The following METTL15 variants were observed in gnomAD, a reference collection of about 807,000 sequenced individuals.
METTL15 encodes methyltransferase 15, mitochondrial 12S rRNA N4-cytidine.
In METTL15, 34 loss-of-function variants were observed where a neutral mutation model predicts 38.3. The ratio of observed to expected loss-of-function variants is 0.89; its 90% confidence interval spans 0.68 to 1.18. The LOEUF (loss-of-function observed/expected upper bound fraction) is 1.18. Among genes scored for constraint, METTL15 ranks in the 50% most tolerant of loss-of-function variants. METTL15 has a pLI of 0.00. For synonymous variants in METTL15, 162 were observed against 170.9 expected (o/e 0.95, Z 0.41); for missense variants, 438 against 498.4 (o/e 0.88, Z 1.15).
intron 4 of METTL15, chr11:28,287,140 T>TAG (rs143169028): frequency 1.9e-5 from 3 of 154,248 alleles, no homozygotes; most frequent in Non-Finnish European, 3.9e-5. Flanking sequence ...TGTATATATA[T>TAG]AGAGAGAGAG....
chr11:28,404,490 C>A (rs192163021), intron 5 of METTL15, among the ~76,000 whole-genome samples: 40 of 152,106 alleles, frequency 2.6e-4, no homozygotes, highest in African/African-American at 8.7e-4. Flanking sequence ...GTGGAAGGGG[C>A]AAGGCAGCTC....
intron 4 of METTL15, among the ~76,000 whole-genome samples, chr11:28,220,693 C>A (rs1477325308): frequency 2.0e-5 from 3 of 152,148 alleles, no homozygotes; most frequent in African/African-American, 7.2e-5. Context: ...TTTGCAGTGG[C>A]TGGTACCGGT....
intron 5 of METTL15, among the ~76,000 whole-genome samples, chr11:28,404,977 G>GATCTTCTTC (rs771690891): frequency 9.9e-5 from 15 of 152,098 alleles, no homozygotes; most frequent in Non-Finnish European, 1.9e-4. Flanking sequence ...AGACTGATTA[G>GATCTTCTTC]ATCTTCTTCA....
chr11:28,391,657 A>G (rs1184927264), intron 5 of METTL15, among the ~76,000 whole-genome samples: 2 of 152,152 alleles, frequency 1.3e-5, no homozygotes, highest in Non-Finnish European at 1.5e-5. Context: ...CGGAAATAAC[A>G]CCGCTTATCT....
intron 5 of METTL15, among the ~76,000 whole-genome samples, chr11:28,423,356 C>G (rs1274490455): frequency 6.6e-6 from 1 of 151,678 alleles, no homozygotes; most frequent in Admixed American, 6.6e-5. Context: ...AGATACCCCC[C>G]CAAAAAAAGA....
intron 4 of METTL15, among the ~76,000 whole-genome samples, chr11:28,266,384 A>G (rs1440540214): frequency 6.6e-6 from 1 of 152,174 alleles, no homozygotes; most frequent in East Asian, 1.9e-4. Context: ...CAGCCATAAA[A>G]AATGATGAGT....
intron 5 of METTL15, among the ~76,000 whole-genome samples, chr11:28,390,076 G>T (rs1203079837): frequency 6.6e-6 from 1 of 150,742 alleles, no homozygotes; most frequent in Admixed American, 6.6e-5. Flanking sequence ...TTTTGATGGG[G>T]TTGTTTTTTT....
At chr11:28,382,145 G>T (rs985434440) in intron 5 of METTL15, among the ~76,000 whole-genome samples, 1 of 151,874 alleles carries the variant, frequency 6.6e-6, no homozygotes, top group Non-Finnish European at 1.5e-5. Flanking sequence ...TCAGAGTGTT[G>T]CCCATTCCAA....
At position 28,290,390 on chromosome 11, in the gene METTL15, G is replaced by A. The variant is rs2133988973; in HGVS notation, c.592G>A (p.Gly198Ser). 3 of 1,609,000 alleles carry A rather than the reference G, an allele frequency of 1.9e-6. No homozygotes were observed. In the East Asian group the frequency reaches 6.7e-5, roughly 36 times the overall value. The change falls in exon 5 of 7, where the codon GGT (glycine) becomes AGT (serine). Residue 198 changes from glycine to serine, a missense_variant. Transcript: ENST00000407364. ...TGGCCCTTTGGACATGAGAATGGAT[G>A]GTGGCAGGTGAGTATTCATAAAGCA... is the stretch of plus-strand genomic sequence containing the variant. ...KDGPLDMRMD[G>S]GRYPDMPTAA... is the part of the protein sequence containing the mutation.
At chr11:28,120,834 T>G (rs562192141) in intron 3 of METTL15, among the ~76,000 whole-genome samples, 66 of 152,318 alleles carry the variant, frequency 4.3e-4, no homozygotes, top group African/African-American at 1.5e-3. Flanking sequence ...TCACTCTTTC[T>G]TCTCTTGACT....
chr11:28,319,623 C>G (rs1264879147), intron 6 of METTL15, among the ~76,000 whole-genome samples: 1 of 152,018 alleles, frequency 6.6e-6, no homozygotes, highest in Non-Finnish European at 1.5e-5. Flanking sequence ...TCATACTTCT[C>G]AGAATTTTTG....
intron 3 of METTL15, among the ~76,000 whole-genome samples, chr11:28,350,308 G>T (rs1007939162): frequency 6.6e-6 from 1 of 152,110 alleles, no homozygotes; most frequent in African/African-American, 2.4e-5. Flanking sequence ...AATTTTAGAT[G>T]TATTTGAAGG....
At chr11:28,525,044 G>A (rs1022437251) in intron 6 of METTL15, among the ~76,000 whole-genome samples, 10 of 151,782 alleles carry the variant, frequency 6.6e-5, no homozygotes, top group Non-Finnish European at 1.0e-4. Flanking sequence ...GGAGTTGCTC[G>A]TTCCTCCTGG....
intron 3 of METTL15, among the ~76,000 whole-genome samples, chr11:28,165,059 A>G (rs1369808241): frequency 6.6e-6 from 1 of 152,122 alleles, no homozygotes; most frequent in African/African-American, 2.4e-5. Context: ...CATTATGTGT[A>G]TGTACTACAT....
downstream of METTL15, among the ~76,000 whole-genome samples, chr11:28,333,764 G>A (rs982028549): frequency 6.6e-6 from 1 of 151,626 alleles, no homozygotes; most frequent in African/African-American, 2.4e-5. Flanking sequence ...TATTATTTGT[G>A]CTTAAATTCA....
chr11:28,390,826 G>T (rs191580883), intron 5 of METTL15, among the ~76,000 whole-genome samples: 2 of 152,122 alleles, frequency 1.3e-5, no homozygotes, highest in Admixed American at 1.3e-4. Context: ...GGGCAGTATA[G>T]CCATTTTCAT....
chr11:28,415,249 T>A (rs1850763129), intron 5 of METTL15, among the ~76,000 whole-genome samples: 1 of 152,180 alleles, frequency 6.6e-6, no homozygotes, highest in African/African-American at 2.4e-5. Context: ...AATGGAAACA[T>A]CTGAATGACT....
intron 6 of METTL15, among the ~76,000 whole-genome samples, chr11:28,519,697 A>G (rs1052371275): frequency 1.3e-5 from 2 of 152,220 alleles, no homozygotes; most frequent in African/African-American, 4.8e-5. Flanking sequence ...TCTTCAAACT[A>G]GAGCAGCTGT....
At chr11:28,524,863 C>G (rs1349531618) in intron 6 of METTL15, among the ~76,000 whole-genome samples, 1 of 152,100 alleles carries the variant, frequency 6.6e-6, no homozygotes, top group African/African-American at 2.4e-5. Flanking sequence ...AGCCGCGGAC[C>G]CTCGCAGTGA....
Sources: gnomAD v4.1 joint callset for allele counts (sites outside exome capture counted in the v4.1 genomes callset) on GRCh38, gnomAD v4.1.1 for gene constraint, MANE v1.5 for transcripts, NCBI Gene and HGNC (gene_info 2026-07-23, HGNC 2026-07-21) for gene names.